The following FAM162B variants were observed in gnomAD, a reference collection of about 807,000 sequenced individuals.
FAM162B encodes the protein family with sequence similarity 162 member B, also known as protein FAM162B.
A neutral mutation model predicts 20.0 loss-of-function variants in FAM162B; 16 were observed. That is an observed-to-expected ratio of 0.80 (90% CI 0.54 to 1.21). The LOEUF is 1.21. Among genes scored for constraint, FAM162B ranks in the 50% most tolerant of loss-of-function variants. FAM162B has a pLI of 0.00. For synonymous variants in FAM162B, 83 were observed against 89.7 expected (o/e 0.93, Z 0.42); for missense variants, 260 against 227.5 (o/e 1.14, Z -0.92).
intron 3 of FAM162B, among the ~76,000 whole-genome samples, chr6:116,759,705 A>T (rs1376027328): frequency 6.6e-6 from 1 of 152,118 alleles, no homozygotes; most frequent in Non-Finnish European, 1.5e-5. Context: ...TCCCCAATGT[A>T]TTTTTAAAAA....
intron 2 of FAM162B, among the ~76,000 whole-genome samples, chr6:116,763,694 GTTCT>G (rs1324009581): frequency 6.6e-6 from 1 of 151,778 alleles, no homozygotes; most frequent in Non-Finnish European, 1.5e-5. Context: ...AATAATGTTG[GTTCT>G]TTACACTCTT....
chr6:116,765,500 T>A lies in FAM162B; in HGVS notation c.77A>T (p.Glu26Val). ...AGCCGGTGCGGGCCGTCGCGTGGCC[T>A]CGAGAGGCGCCCCGGGGCCGCAGCG... Reference protein sequence around the residue: ...TVRCGPGAPLEATRRPAPALP... With the variant: ...TVRCGPGAPLVATRRPAPALP... Residue 26 changes from glutamate to valine, a missense_variant, in exon 1 of 4, where the codon GAG becomes GTG. Coordinates refer to ENST00000368557, the MANE Select transcript of FAM162B (RefSeq NM_001085480.3). 7.1e-7 allele frequency: 1 copy of A among 1,401,494 alleles called. No homozygotes were observed. Among genetic ancestry groups the A allele is most frequent in the South Asian group, 1.6e-5 (1 of 62,372 alleles). The allele number at this position is 1,401,494 out of a possible 1,614,324, so 86.8% of individuals were successfully genotyped here. A position where few individuals can be genotyped will look rare whatever the true frequency, so the allele number is the denominator to read the frequency against.
Position 116,752,711 on chromosome 6 carries a change from A to T in FAM162B, c.391-16T>A, listed in dbSNP as rs1422305124. ...GTTCTACAGCCTGTGGGGGGGAAGA[A>T]ATATATATATATATATATATATAGA... On this transcript the variant is annotated splice_polypyrimidine_tract_variant and intron_variant, in intron 3 of 3. Coordinates refer to ENST00000368557, the MANE Select transcript of FAM162B (RefSeq NM_001085480.3). The T allele has an allele frequency of 2.1e-5, 10 of 481,510 alleles. No individual in the cohort carries two copies. The highest frequency in any genetic ancestry group is 2.7e-5 in the Non-Finnish European group (8 of 298,574). The allele number at this position is 481,510 out of a possible 1,614,324, so 29.8% of individuals were successfully genotyped here. A position where few individuals can be genotyped will look rare whatever the true frequency, so the allele number is the denominator to read the frequency against.
At chr6:116,753,518 T>C (rs543228285) in intron 3 of FAM162B, among the ~76,000 whole-genome samples, 5 of 152,190 alleles carry the variant, frequency 3.3e-5, no homozygotes, top group Middle Eastern at 3.4e-3. Flanking sequence ...GCTAGAAAGA[T>C]AGAGTTGACA....
At chr6:116,755,469 G>A (rs1024922158) in intron 3 of FAM162B, among the ~76,000 whole-genome samples, 4 of 152,172 alleles carry the variant, frequency 2.6e-5, no homozygotes, top group African/African-American at 7.2e-5. Flanking sequence ...TGAGGCTGAA[G>A]GAAAGAAGCT....
At chr6:116,757,270 A>G (rs1436752143) in intron 3 of FAM162B, among the ~76,000 whole-genome samples, 2 of 152,200 alleles carry the variant, frequency 1.3e-5, no homozygotes, top group African/African-American at 2.4e-5. Flanking sequence ...CTATGTATCA[A>G]TAAGTGTCTT....
chr6:116,757,876 C>T (rs918385136), intron 3 of FAM162B, among the ~76,000 whole-genome samples: 3 of 151,920 alleles, frequency 2.0e-5, no homozygotes, highest in Non-Finnish European at 4.4e-5. Flanking sequence ...GTTTGAGGCA[C>T]GAGCCTGATC....
At chr6:116,765,028 GC>G in intron 2 of FAM162B, 118 bp downstream of exon 2, 1 of 837,148 alleles carries the variant, frequency 1.2e-6, no homozygotes, top group Non-Finnish European at 2.0e-6. Context: ...GGGTGATATT[GC>G]GAAGTGTTGG....
At chr6:116,759,596 C>T (rs1467138711) in intron 3 of FAM162B, among the ~76,000 whole-genome samples, 3 of 152,000 alleles carry the variant, frequency 2.0e-5, no homozygotes, top group Admixed American at 6.6e-5. Context: ...CGTGAGCCAC[C>T]GCGCCCGGCC....
intron 2 of FAM162B, among the ~76,000 whole-genome samples, chr6:116,763,767 C>A (rs590022): frequency 6.6e-6 from 1 of 151,158 alleles, no homozygotes; most frequent in South Asian, 2.1e-4. Flanking sequence ...TGGTGGCTTA[C>A]TTATTTTAAT....
chr6:116,753,498 T>G (rs1426102033), intron 3 of FAM162B, among the ~76,000 whole-genome samples: 1 of 152,072 alleles, frequency 6.6e-6, no homozygotes, highest in African/African-American at 2.4e-5. Context: ...TGATGACTTA[T>G]CCACGAGCAG....
chr6:116,759,728 G>A (rs1246952165), intron 3 of FAM162B, among the ~76,000 whole-genome samples: 1 of 152,018 alleles, frequency 6.6e-6, no homozygotes, highest in Admixed American at 6.6e-5. Flanking sequence ...TGAACTATTT[G>A]CAGTGATCCA....
At chr6:116,757,972 AAAG>A (rs1780072695) in intron 3 of FAM162B, among the ~76,000 whole-genome samples, 2 of 152,210 alleles carry the variant, frequency 1.3e-5, no homozygotes, top group Admixed American at 1.3e-4. Flanking sequence ...AGCTATACCA[AAAG>A]AAGTTTTGTT....
intron 3 of FAM162B, among the ~76,000 whole-genome samples, chr6:116,759,971 T>C (rs2114551007): frequency 6.6e-6 from 1 of 152,284 alleles, no homozygotes; most frequent in East Asian, 1.9e-4. Flanking sequence ...TCCTGGGGTG[T>C]TACTATTTTA....
intron 3 of FAM162B, among the ~76,000 whole-genome samples, chr6:116,755,895 GACTT>G (rs1780045745): frequency 1.3e-5 from 2 of 151,982 alleles, no homozygotes; most frequent in South Asian, 2.1e-4. Context: ...TCACTGTTGA[GACTT>G]ACTTCTCAGA....
chr6:116,756,521 A>T (rs1159090683), intron 3 of FAM162B, among the ~76,000 whole-genome samples: 1 of 152,248 alleles, frequency 6.6e-6, no homozygotes, highest in Non-Finnish European at 1.5e-5. Flanking sequence ...AGAATATTAC[A>T]TAAACTTAGT....
At chr6:116,759,794 T>TATC (rs1780117048) in intron 3 of FAM162B, among the ~76,000 whole-genome samples, 1 of 152,182 alleles carries the variant, frequency 6.6e-6, no homozygotes, top group African/African-American at 2.4e-5. Context: ...CTTTGCTCAT[T>TATC]ATACTCCATC....
rs138420590 is a variant in FAM162B at position 116,754,155 on chromosome 6, C to T, written c.391-1460G>A. 4.2e-3 allele frequency among the ~76,000 whole-genome samples: 632 copies of T among 152,246 alleles called. 3 individuals carry two copies. The highest frequency in any genetic ancestry group is 6.8e-3 in the Middle Eastern group (2 of 294). On this transcript the variant is annotated intron_variant, in intron 3 of 3. Transcript: ENST00000368557. Reference sequence around the variant, plus strand: ...TTTTCTTGGTTGAAGAATGGAGAGACTGGCTACTATGTGCCAGAATTTCTG... The same window carrying T: ...TTTTCTTGGTTGAAGAATGGAGAGATTGGCTACTATGTGCCAGAATTTCTG...
chr6:116,759,336 C>G (rs1409788395), intron 3 of FAM162B, among the ~76,000 whole-genome samples: 1 of 142,524 alleles, frequency 7.0e-6, no homozygotes, highest in Non-Finnish European at 1.5e-5. Context: ...GACAGAGTCT[C>G]TGTCGCCCAG....
Sources: gnomAD v4.1 joint callset for allele counts (sites outside exome capture counted in the v4.1 genomes callset) on GRCh38, gnomAD v4.1.1 for gene constraint, MANE v1.5 for transcripts, NCBI Gene and HGNC (gene_info 2026-07-23, HGNC 2026-07-21) for gene names.